ATP2A1: variants seen among roughly 807,000 people sequenced by gnomAD.
The protein encoded by ATP2A1 is ATPase sarcoplasmic/endoplasmic reticulum Ca2+ transporting 1, also known as sarcoplasmic/endoplasmic reticulum calcium ATPase 1.
A neutral mutation model predicts 109.5 loss-of-function variants in ATP2A1; 83 were observed. The ratio of observed to expected loss-of-function variants is 0.76; its 90% CI spans 0.63 to 0.91. The LOEUF is 0.91. ATP2A1 is among the 40% of genes least tolerant of loss of function. ATP2A1 has a pLI of 0.00. For missense variants in ATP2A1, 1,101 were observed against 1,341.0 expected (o/e 0.82, Z 2.80); for synonymous variants, 505 against 537.6 (o/e 0.94, Z 0.84).
chr16:28,894,943 C>A lies in ATP2A1; in HGVS notation c.1409C>A (p.Ala470Asp). 1 of 1,611,960 alleles carries A rather than the reference C, an allele frequency of 6.2e-7. No homozygotes were observed. ...CTCTCGAAGGTGGAGAGAGCCAACG[C>A]CTGCAACTCGGTGAGCCTGCGGAGC... ...RSLSKVERANACNSVIRQLMK... is the reference protein window; with the variant it reads ...RSLSKVERANDCNSVIRQLMK... The change falls in exon 12 of 23, where the codon GCC becomes GAC. Residue 470 changes from alanine (A) to aspartate (D), a missense_variant. Physicochemically the swap from Ala to Asp is moderately radical, Grantham distance 126. Coordinates refer to ENST00000395503, the MANE Select transcript of ATP2A1 (RefSeq NM_004320.6).
chr16:28,891,709 C>G (rs1316878910), intron 9 of ATP2A1, among the ~76,000 whole-genome samples: 2 of 150,794 alleles, frequency 1.3e-5, no homozygotes, highest in African/African-American at 4.9e-5. Flanking sequence ...GAAAACCAGT[C>G]TCTACTAAAA....
chr16:28,892,575 C>G (rs1215812910), intron 9 of ATP2A1: 1 of 158,604 alleles, frequency 6.3e-6, no homozygotes, highest in South Asian at 1.6e-4. Flanking sequence ...GACCACAGAA[C>G]TTTTTTGTCT....
At chr16:28,897,047 C>T (rs891324397) in intron 12 of ATP2A1, among the ~76,000 whole-genome samples, 4 of 151,632 alleles carry the variant, frequency 2.6e-5, no homozygotes, top group African/African-American at 9.7e-5. Context: ...CACCACTGCC[C>T]TCCAGCCTAA....
chr16:28,887,706 G>A lies in ATP2A1; in HGVS notation c.912G>A (p.Val304=). 2.5e-6 allele frequency: 4 copies of A among 1,614,026 alleles called. No individual in the cohort carries two copies. Among genetic ancestry groups the A allele is most frequent in the Non-Finnish European group, 3.4e-6 (4 of 1,180,030 alleles). ...TTAAGATTGCCGTGGCCTTGGCTGT[G>A]GCTGCCATCCCCGAAGGTATGAAAG... ...YYFKIAVALA[V]AAIPEGLPAV... Residue 304 remains valine (V), a synonymous_variant, in exon 8 of 23, where the codon GTG becomes GTA. Transcript: ENST00000395503.
chr16:28,903,013 C>T lies in ATP2A1; in HGVS notation c.2745-17C>T, dbSNP rs1167124052. On this transcript the variant is annotated splice_polypyrimidine_tract_variant and intron_variant, in intron 19 of 22. Coordinates refer to ENST00000395503, the MANE Select transcript of ATP2A1 (RefSeq NM_004320.6). The surrounding 1 kb of genome is among the most constrained non-coding windows in gnomAD (Gnocchi z 5.6). ...TTCCTCCTCACTGTGCCTTCTCCCT[C>T]CCCTTCCCCTCTGCAGCCTGTCCGA... 3.7e-6 allele frequency: 6 copies of T among 1,613,666 alleles called. No homozygotes were observed. Among genetic ancestry groups the T allele is most frequent in the African/African-American group, 1.3e-5 (1 of 75,032 alleles).
At chr16:28,891,905 T>G (rs1162321353) in intron 9 of ATP2A1, among the ~76,000 whole-genome samples, 1 of 150,342 alleles carries the variant, frequency 6.7e-6, no homozygotes, top group Admixed American at 6.7e-5. Context: ...AAAACAAAAA[T>G]AAAAAAGTAA....
Position 28,903,189 on chromosome 16 carries a change from G to T in ATP2A1, c.2862+42G>T. On this transcript the variant is annotated intron_variant, in intron 20 of 22. Transcript: ENST00000395503. The surrounding 1 kb of genome is among the most constrained non-coding windows in gnomAD (Gnocchi z 5.6). Reference sequence around the variant, plus strand: ...CCAGGGCCGCCCACCCCAGCACTGGGGAGCCCACGGCGGGCCCATGACCAC... The same window carrying T: ...CCAGGGCCGCCCACCCCAGCACTGGTGAGCCCACGGCGGGCCCATGACCAC... The T allele has an allele frequency of 6.2e-7, 1 of 1,607,532 alleles. No homozygotes were observed. Among genetic ancestry groups the T allele is most frequent in the Non-Finnish European group, 8.5e-7 (1 of 1,174,860 alleles).
At chr16:28,899,853 A>G (rs1425697171) in intron 14 of ATP2A1, among the ~76,000 whole-genome samples, 5 of 147,694 alleles carry the variant, frequency 3.4e-5, no homozygotes, top group African/African-American at 1.3e-4. Flanking sequence ...CCAGCTACTC[A>G]GGAGGCTGAG....
At position 28,903,571 on chromosome 16, in the gene ATP2A1, T is replaced by A. The variant is rs1964155999; in HGVS notation, c.2981-129T>A. 2.5e-6 allele frequency: 3 copies of A among 1,184,928 alleles called. No individual in the cohort carries two copies. Among genetic ancestry groups the A allele is most frequent in the Non-Finnish European group, 3.8e-6 (3 of 797,178 alleles). 73.4% of individuals were successfully genotyped at this position (1,184,928 alleles called of 1,614,324 possible). A position where few individuals can be genotyped will look rare whatever the true frequency, so the allele number is the denominator to read the frequency against. On this transcript the variant is annotated intron_variant, in intron 21 of 22. Coordinates refer to ENST00000395503, the MANE Select transcript of ATP2A1 (RefSeq NM_004320.6). The surrounding 1 kb of genome is among the most constrained non-coding windows in gnomAD (Gnocchi z 5.6). ...CCTGGCAGGACCTGTGTCCGCCCCG[T>A]TCCCCCTGCGCCTGCAGGGGCCACA... is the stretch of plus-strand genomic sequence containing the variant.
chr16:28,904,145 G>C (rs2152216439), intron 22 of ATP2A1, 35 bp from the exon 23 acceptor site: 1 of 1,583,060 alleles, frequency 6.3e-7, no homozygotes, highest in Non-Finnish European at 8.7e-7. Flanking sequence ...CTGCCCTCCT[G>C]CCGCCTGCCT....
chr16:28,901,826 G>GA (rs750371839), intron 15 of ATP2A1, 37 bp from the exon 16 acceptor site: 2 of 1,566,308 alleles, frequency 1.3e-6, no homozygotes, highest in East Asian at 4.5e-5. Flanking sequence ...AGGGATGTGT[G>GA]AAGGTGCCCT....
At chr16:28,879,289 TCTC>T in intron 2 of ATP2A1, 173 bp downstream of exon 2, 1 of 957,296 alleles carries the variant, frequency 1.0e-6, no homozygotes, top group South Asian at 1.4e-5. Flanking sequence ...CCAGGCGCTT[TCTC>T]CTTGAAGCAG....
Position 28,894,583 on chromosome 16 carries a change from T to C in ATP2A1, c.1263T>C (p.Asn421=), listed in dbSNP as rs2152209416. 3 of 1,614,096 alleles carry C rather than the reference T, an allele frequency of 1.9e-6. No individual in the cohort carries two copies. The highest frequency in any genetic ancestry group is 2.5e-6 in the Non-Finnish European group (3 of 1,180,004). Reference sequence around the variant, plus strand: ...TGGCCACCATCTGTGCCCTCTGCAATGACTCCTCCTTGGACTTCAACGAGG... The same window carrying C: ...TGGCCACCATCTGTGCCCTCTGCAACGACTCCTCCTTGGACTTCAACGAGG... ...VELATICALC[N]DSSLDFNEAK... The change falls in exon 11 of 23, where the codon AAT becomes AAC. Residue 421 remains asparagine, a synonymous_variant. Transcript: ENST00000395503.
At position 28,898,803 on chromosome 16, in the gene ATP2A1, T is replaced by A. The variant is rs1333977246; in HGVS notation, c.1764+352T>A. On this transcript the variant is annotated intron_variant, in intron 14 of 22. Coordinates refer to ENST00000395503, the MANE Select transcript of ATP2A1 (RefSeq NM_004320.6). This position sits in a 1 kb window ranked among gnomAD's most constrained non-coding sequence, Gnocchi z 4.0. Reference sequence around the variant, plus strand: ...ATAGGGGTCTGGGTAAAAAGTAAAATACATTTTTAAAAATGTTAAAAGAAA... The same window carrying A: ...ATAGGGGTCTGGGTAAAAAGTAAAAAACATTTTTAAAAATGTTAAAAGAAA... Among the ~76,000 whole-genome samples the A allele has an allele frequency of 6.6e-6, 1 of 152,008 alleles. No homozygotes were observed. The highest frequency in any genetic ancestry group is 2.4e-5 in the African/African-American group (1 of 41,358).
At position 28,903,573 on chromosome 16, in the gene ATP2A1, C is replaced by A. The variant is rs1964156103; in HGVS notation, c.2981-127C>A. ...TGGCAGGACCTGTGTCCGCCCCGTT[C>A]CCCCTGCGCCTGCAGGGGCCACATC... On this transcript the variant is annotated intron_variant, in intron 21 of 22. Transcript: ENST00000395503. This position sits in a 1 kb window ranked among gnomAD's most constrained non-coding sequence, Gnocchi z 5.6. 4.2e-6 allele frequency: 5 copies of A among 1,177,654 alleles called. No individual in the cohort carries two copies. Among genetic ancestry groups the A allele is most frequent in the Non-Finnish European group, 6.3e-6 (5 of 789,746 alleles). 73.0% of individuals were successfully genotyped at this position (1,177,654 alleles called of 1,614,324 possible).
chr16:28,881,405 GTTTGT>G (rs1359269132), intron 4 of ATP2A1: 8 of 304,024 alleles, frequency 2.6e-5, no homozygotes, highest in South Asian at 1.0e-4. Context: ...CTGCTTCCTG[GTTTGT>G]TTTGTTTTGT....
intron 22 of ATP2A1, 38 bp from the exon 23 acceptor site, chr16:28,904,142 C>T: frequency 1.3e-6 from 2 of 1,577,534 alleles, no homozygotes; most frequent in Non-Finnish European, 1.7e-6. Context: ...TCGCTGCCCT[C>T]CTGCCGCCTG....
rs1458449793 is a variant in ATP2A1 at position 28,884,663 on chromosome 16, G to T, written c.544+8G>T. On this transcript the variant is annotated splice_region_variant and intron_variant, in intron 6 of 22. Transcript: ENST00000395503. Reference sequence around the variant, plus strand: ...ACCAGTCCATCCTGACAGGTCTGCTGGCCTGGGTGGGAAGATGCATGGGGG... The same window carrying T: ...ACCAGTCCATCCTGACAGGTCTGCTTGCCTGGGTGGGAAGATGCATGGGGG... 21 of 1,611,974 alleles carry T rather than the reference G, an allele frequency of 1.3e-5. No individual in the cohort carries two copies. The highest frequency in any genetic ancestry group is 1.6e-5 in the Non-Finnish European group (19 of 1,179,104).
chr16:28,884,375 G>A (rs1282321771), intron 5 of ATP2A1, among the ~76,000 whole-genome samples, 200 bp from the exon 6 acceptor site: 3 of 152,148 alleles, frequency 2.0e-5, no homozygotes, highest in Non-Finnish European at 4.4e-5. Flanking sequence ...CCGTGGACAC[G>A]GGGGCAGAAG....
Sources: allele counts gnomAD v4.1 joint callset (sites outside exome capture counted in the v4.1 genomes callset), GRCh38; gene constraint gnomAD v4.1.1; non-coding constraint Gnocchi (gnomAD v3.1); transcripts MANE v1.5; gene names NCBI Gene and HGNC (gene_info 2026-07-23, HGNC 2026-07-21).